TASP1: variants seen among roughly 807,000 people sequenced by gnomAD.
The protein encoded by TASP1 is taspase 1.
In TASP1, 16 loss-of-function variants were observed where a neutral mutation model predicts 56.6. That is an observed-to-expected ratio of 0.28 (90% CI 0.19 to 0.43). TASP1 has a LOEUF of 0.43. TASP1 is among the 20% of genes least tolerant of loss of function. The pLI is 1.00. For missense variants in TASP1, 393 were observed against 511.6 expected (o/e 0.77, Z 2.24); for synonymous variants, 179 against 184.2 (o/e 0.97, Z 0.23).
chr20:13,414,428 C>T (rs1345575194), intron 13 of TASP1, among the ~76,000 whole-genome samples: 1 of 152,028 alleles, frequency 6.6e-6, no homozygotes, highest in Non-Finnish European at 1.5e-5. Context: ...ATTATTTTTC[C>T]CTGCAACTAA....
At chr20:13,353,277 G>C in the TASP1 span, among the ~76,000 whole-genome samples, 1 of 149,368 alleles carries the variant, frequency 6.7e-6, no homozygotes, top group African/African-American at 2.5e-5. Context: ...TGCCTTCCCT[G>C]TCTCTGTTGT....
At chr20:13,506,880 C>CAAAA (rs2044151896) in intron 10 of TASP1, among the ~76,000 whole-genome samples, 1 of 70,038 alleles carries the variant, frequency 1.4e-5, no homozygotes. Context: ...AGAAATTAGG[C>CAAAA]CAAAAAAAAA....
the TASP1 span, among the ~76,000 whole-genome samples, chr20:13,137,924 C>T: frequency 6.6e-6 from 1 of 152,160 alleles, no homozygotes; most frequent in African/African-American, 2.4e-5. Flanking sequence ...TACTCAAGCT[C>T]ATCTCCCAGA....
intron 11 of TASP1, among the ~76,000 whole-genome samples, chr20:13,476,903 C>T (rs1321198644): frequency 1.3e-5 from 2 of 152,004 alleles, no homozygotes; most frequent in Non-Finnish European, 2.9e-5. Flanking sequence ...CTTAGGAATC[C>T]CTCAAGCTCC....
At chr20:13,381,341 C>T in the TASP1 span, among the ~76,000 whole-genome samples, 1 of 152,206 alleles carries the variant, frequency 6.6e-6, no homozygotes, top group African/African-American at 2.4e-5. Context: ...AGTTCTCCAA[C>T]CCTTTGCACT....
At chr20:13,306,564 C>CAAAAAAAAAAAAAAAAAAAAAAAAAGAAA in the TASP1 span, among the ~76,000 whole-genome samples, 1 of 63,916 alleles carries the variant, frequency 1.6e-5, no homozygotes, top group Non-Finnish European at 2.6e-5. Flanking sequence ...GGAGAAAGGA[C>CAAAAAAAAAAAAAAAAAAAAAAAAAGAAA]AAAAAAAAAA....
chr20:13,411,591 G>A (rs1194043173), intron 13 of TASP1, among the ~76,000 whole-genome samples: 1 of 152,066 alleles, frequency 6.6e-6, no homozygotes, highest in Non-Finnish European at 1.5e-5. Context: ...TTCATCATTG[G>A]TGTATAAAAA....
At chr20:13,351,570 C>T in the TASP1 span, among the ~76,000 whole-genome samples, 4 of 152,122 alleles carry the variant, frequency 2.6e-5, no homozygotes, top group Admixed American at 6.6e-5. Flanking sequence ...ATTTATACAA[C>T]GTTCTTGAAA....
At chr20:13,635,142 C>A (rs1221342847) in intron 1 of TASP1, among the ~76,000 whole-genome samples, 1 of 152,168 alleles carries the variant, frequency 6.6e-6, no homozygotes, top group African/African-American at 2.4e-5. Flanking sequence ...AATTGATACA[C>A]TGGGTACATT....
At chr20:13,469,697 C>T (rs182493780) in intron 11 of TASP1, among the ~76,000 whole-genome samples, 1 of 145,298 alleles carries the variant, frequency 6.9e-6, no homozygotes, top group Admixed American at 7.0e-5. Flanking sequence ...TCAGAATCAA[C>T]ATGTACTGAA....
chr20:13,563,088 T>C (rs548275755), intron 7 of TASP1, among the ~76,000 whole-genome samples: 15 of 150,302 alleles, frequency 1.0e-4, no homozygotes, highest in South Asian at 6.3e-4. Flanking sequence ...TATAGAGATA[T>C]AATTTTTTTG....
intron 2 of TASP1, among the ~76,000 whole-genome samples, chr20:13,625,870 G>A (rs1434422817): frequency 1.3e-5 from 2 of 152,278 alleles, no homozygotes; most frequent in African/African-American, 2.4e-5. Flanking sequence ...GAGAATTCCT[G>A]GTGGTCTCTG....
At chr20:13,278,086 A>T in the TASP1 span, among the ~76,000 whole-genome samples, 1 of 152,158 alleles carries the variant, frequency 6.6e-6, no homozygotes, top group Non-Finnish European at 1.5e-5. Flanking sequence ...GATTACTTGG[A>T]GTGCATGTTT....
the TASP1 span, among the ~76,000 whole-genome samples, chr20:13,186,540 A>G: frequency 6.6e-6 from 1 of 152,322 alleles, no homozygotes; most frequent in South Asian, 2.1e-4. Context: ...GCCCAAAGAC[A>G]TAGGCTAAAT....
chr20:13,538,008 T>TC (rs1166933600), intron 8 of TASP1, among the ~76,000 whole-genome samples: 1 of 151,780 alleles, frequency 6.6e-6, no homozygotes, highest in East Asian at 1.9e-4. Flanking sequence ...CAGTCTTTTT[T>TC]TTTTTTTTTT....
chr20:13,444,234 C>G (rs2043319876), intron 11 of TASP1, among the ~76,000 whole-genome samples: 1 of 152,166 alleles, frequency 6.6e-6, no homozygotes, highest in African/African-American at 2.4e-5. Context: ...ACACAGCTTC[C>G]TCTTCAACAT....
chr20:13,587,163 G>A, intron 5 of TASP1, 87 bp downstream of exon 5: 1 of 1,431,972 alleles, frequency 7.0e-7, no homozygotes, highest in African/African-American at 1.4e-5. Context: ...AGCAGAAATG[G>A]TGAAAAAGAC....
chr20:13,224,841 CTTT>C, the TASP1 span, among the ~76,000 whole-genome samples: 25 of 107,244 alleles, frequency 2.3e-4, 1 homozygote, highest in South Asian at 3.4e-3. Flanking sequence ...AGCTTTCTTT[CTTT>C]TTTTTTTTTT....
the TASP1 span, among the ~76,000 whole-genome samples, chr20:13,280,245 G>A: frequency 6.8e-6 from 1 of 146,618 alleles, no homozygotes; most frequent in East Asian, 2.0e-4. Context: ...ATTTTTTACT[G>A]TAAAAATTCA....
Sources: allele counts gnomAD v4.1 joint callset (sites outside exome capture counted in the v4.1 genomes callset), GRCh38; gene constraint gnomAD v4.1.1; transcripts MANE v1.5; gene names NCBI Gene and HGNC (gene_info 2026-07-23, HGNC 2026-07-21).